The following FAF1 variants were observed in gnomAD, a reference collection of about 807,000 sequenced individuals.
The protein encoded by FAF1 is FAS-associated factor 1.
In FAF1, 25 loss-of-function variants were observed where a neutral mutation model predicts 92.5. The observed-to-expected ratio is 0.27, with a 90% CI of 0.20 to 0.38. The LOEUF is 0.38. Ranked by LOEUF, FAF1 falls within the 10% of genes least tolerant of loss-of-function variation. FAF1 has a pLI of 1.00. For synonymous variants in FAF1, 234 were observed against 273.2 expected (o/e 0.86, Z 1.42); for missense variants, 636 against 793.3 (o/e 0.80, Z 2.38).
At chr1:50,624,833 C>T (rs1312424309) in intron 8 of FAF1, among the ~76,000 whole-genome samples, 1 of 151,754 alleles carries the variant, frequency 6.6e-6, no homozygotes, top group Non-Finnish European at 1.5e-5. Context: ...GATTGTTAAC[C>T]TTCTCCATTC....
chr1:50,681,420 T>C (rs1360882498), intron 7 of FAF1, among the ~76,000 whole-genome samples: 1 of 152,198 alleles, frequency 6.6e-6, no homozygotes, highest in Non-Finnish European at 1.5e-5. Context: ...TTCATTATTC[T>C]TTATTTTTTA....
chr1:50,790,354 C>T (rs1303644818), intron 3 of FAF1, among the ~76,000 whole-genome samples: 1 of 152,056 alleles, frequency 6.6e-6, no homozygotes, highest in African/African-American at 2.4e-5. Context: ...ATTGGCCAGG[C>T]TGGGCTCGAA....
intron 1 of FAF1, among the ~76,000 whole-genome samples, chr1:50,886,749 G>A (rs1644669202): frequency 6.6e-6 from 1 of 152,166 alleles, no homozygotes; most frequent in Admixed American, 6.5e-5. Context: ...TGGTGTATAT[G>A]TGCCACATTT....
At chr1:50,892,310 T>A (rs1644726412) in intron 1 of FAF1, among the ~76,000 whole-genome samples, 1 of 152,224 alleles carries the variant, frequency 6.6e-6, no homozygotes, top group Admixed American at 6.5e-5. Context: ...GCTTCCTGGG[T>A]GAGATGATGC....
intron 1 of FAF1, among the ~76,000 whole-genome samples, chr1:50,921,122 C>A (rs997613455): frequency 1.3e-5 from 2 of 152,182 alleles, no homozygotes; most frequent in Admixed American, 1.3e-4. Context: ...AAAAATCAAA[C>A]ATACAATTAC....
chr1:50,626,436 G>A (rs1215704857), intron 8 of FAF1, among the ~76,000 whole-genome samples: 2 of 152,216 alleles, frequency 1.3e-5, no homozygotes, highest in Non-Finnish European at 2.9e-5. Flanking sequence ...TGTTTGAGTT[G>A]AAAGAATAAG....
rs887287244 is a variant in FAF1 at position 50,525,587 on chromosome 1, G to A, written c.1494+9782C>T. Among the ~76,000 whole-genome samples, 17 of 152,254 alleles carry A rather than the reference G, an allele frequency of 1.1e-4. No homozygotes were observed. In the East Asian group the frequency reaches 3.1e-3, roughly 28 times the overall value. On this transcript the variant is annotated intron_variant, in intron 15 of 18. Transcript: ENST00000396153. The stretch of plus-strand genomic sequence containing the variant: ...CCCTGGCTAGAAGTTACAGTCCTAT[G>A]TCAAAAGGCAGCAGGGAAGTTGGAA...
intron 7 of FAF1, among the ~76,000 whole-genome samples, chr1:50,701,560 T>A (rs1442022783): frequency 6.6e-6 from 1 of 152,054 alleles, no homozygotes; most frequent in East Asian, 1.9e-4. Context: ...AGGAGAATAG[T>A]CCAAAATATA....
intron 1 of FAF1, among the ~76,000 whole-genome samples, chr1:50,861,713 AT>A (rs1644434392): frequency 6.6e-6 from 1 of 151,920 alleles, no homozygotes; most frequent in South Asian, 2.1e-4. Context: ...ATAAAAAGTT[AT>A]TTAAAAAAAA....
chr1:50,514,838 G>A (rs972232861), intron 15 of FAF1, among the ~76,000 whole-genome samples: 1 of 152,188 alleles, frequency 6.6e-6, no homozygotes, highest in Non-Finnish European at 1.5e-5. Context: ...GCTAACTAGT[G>A]AGAGTTTATG....
chr1:50,447,580 T>C (rs887506433), intron 18 of FAF1, among the ~76,000 whole-genome samples: 1 of 152,228 alleles, frequency 6.6e-6, no homozygotes, highest in Non-Finnish European at 1.5e-5. Flanking sequence ...CTGATAGCAC[T>C]GTGAGTTGAA....
intron 10 of FAF1, among the ~76,000 whole-genome samples, 172 bp downstream of exon 10, chr1:50,584,513 T>A (rs1186744562): frequency 6.6e-6 from 1 of 152,166 alleles, no homozygotes; most frequent in East Asian, 1.9e-4. Context: ...TTGAGTTTAA[T>A]AAAATCTAAA....
Position 50,492,325 on chromosome 1 carries a change from C to T in FAF1, c.1495-524G>A, listed in dbSNP as rs183370161. On this transcript the variant is annotated intron_variant, in intron 15 of 18. Transcript: ENST00000396153. ...GCCAAAAGCAAAATACTCTGGTTAA[C>T]CTCATTCCATACCACACCACACCAC... 3.9e-4 allele frequency among the ~76,000 whole-genome samples: 59 copies of T among 152,214 alleles called. 2 individuals are homozygous for T. Among genetic ancestry groups the T allele is most frequent in the Non-Finnish European group, 6.6e-4 (45 of 68,024 alleles).
intron 8 of FAF1, among the ~76,000 whole-genome samples, chr1:50,625,820 C>G (rs183501234): frequency 2.0e-5 from 3 of 152,100 alleles, no homozygotes; most frequent in Admixed American, 1.3e-4. Context: ...CGGGAAACCA[C>G]TGAGAGATTT....
intron 7 of FAF1, among the ~76,000 whole-genome samples, chr1:50,665,496 G>A (rs766726590): frequency 2.6e-5 from 4 of 152,124 alleles, no homozygotes; most frequent in Non-Finnish European, 4.4e-5. Context: ...AAAATACTGT[G>A]CGGTTATTAA....
At position 50,869,509 on chromosome 1, in the gene FAF1, A is replaced by C. The variant is rs566419135; in HGVS notation, c.46-11512T>G. ...GTTGTTGCATGTTTTAGTAAATCTA[A>C]GACATTCTCAACTTTTATTCATTTG... On this transcript the variant is annotated intron_variant, in intron 1 of 18. Transcript: ENST00000396153. 9.2e-5 allele frequency among the ~76,000 whole-genome samples: 14 copies of C among 152,290 alleles called. No individual in the cohort carries two copies. The South Asian group carries it at 2.5e-3, about 27-fold the overall frequency.
intron 4 of FAF1, among the ~76,000 whole-genome samples, chr1:50,766,319 A>G (rs943892868): frequency 6.6e-6 from 1 of 152,184 alleles, no homozygotes; most frequent in Non-Finnish European, 1.5e-5. Context: ...ATTATAAGCC[A>G]TTACCCCCTA....
chr1:50,818,669 T>C (rs1644001155), intron 2 of FAF1, among the ~76,000 whole-genome samples: 1 of 152,204 alleles, frequency 6.6e-6, no homozygotes, highest in African/African-American at 2.4e-5. Context: ...TCTAAAATGC[T>C]TGGGACCAGA....
At chr1:50,796,515 T>G (rs1661756457) in intron 3 of FAF1, among the ~76,000 whole-genome samples, 1 of 152,152 alleles carries the variant, frequency 6.6e-6, no homozygotes, top group Admixed American at 6.5e-5. Context: ...CTCTTTCCTT[T>G]GTTCCTCTAT....
Sources: allele counts gnomAD v4.1 joint callset (sites outside exome capture counted in the v4.1 genomes callset), GRCh38; gene constraint gnomAD v4.1.1; transcripts MANE v1.5; gene names NCBI Gene and HGNC (gene_info 2026-07-23, HGNC 2026-07-21).